DOCK11: variants seen among roughly 807,000 people sequenced by gnomAD.
DOCK11 encodes dedicator of cytokinesis 11, also known as dedicator of cytokinesis protein 11.
Under a neutral mutation model 169.1 loss-of-function variants are expected in DOCK11, and 70 were observed. The ratio of observed to expected loss-of-function variants is 0.41; its 90% confidence interval spans 0.34 to 0.51. The LOEUF (loss-of-function observed/expected upper bound fraction) is 0.51, where lower values mean the gene tolerates loss of function less well. DOCK11 is among the 20% of genes least tolerant of loss of function. The pLI, the probability that DOCK11 is intolerant of heterozygous loss-of-function variation, is 0.10. For missense variants in DOCK11, 1,166 were observed against 1,538.8 expected, an observed-to-expected ratio of 0.76 and a Z score of 4.05; for synonymous variants, 529 against 541.3, an observed-to-expected ratio of 0.98 and a Z score of 0.32.
chrX:118,639,767 G>A (rs1202611075), intron 38 of DOCK11, among the ~76,000 whole-genome samples, 190 bp downstream of exon 38: 1 of 111,521 alleles, frequency 9.0e-6, no homozygotes, highest in Non-Finnish European at 1.9e-5. Flanking sequence ...CCAATATGAT[G>A]GGAAATGATT....
chrX:118,625,346 G>A (rs1222097539), intron 32 of DOCK11, among the ~76,000 whole-genome samples: 6 of 110,050 alleles, frequency 5.5e-5, no homozygotes, highest in African/African-American at 6.6e-5. Context: ...TAGTAGAGAC[G>A]GTGTTTCACC....
chrX:118,624,689 C>G, intron 32 of DOCK11, 34 bp downstream of exon 32: 1 of 1,008,736 alleles, frequency 9.9e-7, no homozygotes, highest in Non-Finnish European at 1.4e-6. Context: ...GGAGTTTTAT[C>G]CTATTTTATT....
At chrX:118,684,109 G>A (rs796671510) in intron 52 of DOCK11, among the ~76,000 whole-genome samples, 1 of 111,185 alleles carries the variant, frequency 9.0e-6, no homozygotes, top group South Asian at 3.7e-4. Context: ...AAGTGTTAAT[G>A]TGTACTGAAA....
At chrX:118,575,544 G>A (rs985694120) in intron 12 of DOCK11, among the ~76,000 whole-genome samples, 1 of 111,810 alleles carries the variant, frequency 8.9e-6, no homozygotes, top group African/African-American at 3.2e-5. Context: ...CAAACATTGG[G>A]GAAGACTGCT....
At chrX:118,562,326 T>C (rs1031610473) in intron 7 of DOCK11, among the ~76,000 whole-genome samples, 2 of 111,418 alleles carry the variant, frequency 1.8e-5, no homozygotes, top group African/African-American at 6.5e-5. Context: ...TCTCTTTGAG[T>C]CTGGCTCTAA....
At position 118,567,201 on chromosome X, in the gene DOCK11, G is replaced by A. The variant is rs1686568439; in HGVS notation, c.951+548G>A. On this transcript the variant is annotated intron_variant, in intron 9 of 52. Coordinates refer to ENST00000276202, the MANE Select transcript of DOCK11 (RefSeq NM_144658.4). The stretch of plus-strand genomic sequence containing the variant: ...ATGATTGTCCTGAGTATCTTACCAC[G>A]ATACTGTATTCTGTAGACTCTATAT... 4.5e-5 allele frequency among the ~76,000 whole-genome samples: 5 copies of A among 111,494 alleles called. No individual in the cohort carries two copies. The Admixed American group carries it at 4.8e-4, about 11-fold the overall frequency.
rs199637441 is a variant in DOCK11, at chrX:118,578,637, A to T, written c.1502A>T (p.Asp501Val). Residue 501 changes from aspartate (D) to valine (V), a missense_variant, in exon 13 of 53, where the codon GAT (aspartate) becomes GTT (valine). By Grantham distance (152) the Asp-to-Val change is radical (BLOSUM62 -3). Transcript: ENST00000276202. ...HCAEPYIKNS[D>V]PVKTAQKVHR... ...GCAGAACCCTATATCAAAAATTCTGATCCAGTAAAGGTAATTTATAAAGGT... is the reference window on the plus strand; with the variant it reads ...GCAGAACCCTATATCAAAAATTCTGTTCCAGTAAAGGTAATTTATAAAGGT... The T allele has an allele frequency of 1.4e-5, 17 of 1,200,236 alleles. No individual in the cohort carries two copies. Among genetic ancestry groups the T allele is most frequent in the Non-Finnish European group, 1.7e-5 (15 of 889,785 alleles).
intron 5 of DOCK11, 62 bp downstream of exon 5, chrX:118,545,454 A>G: frequency 1.3e-6 from 1 of 797,072 alleles, no homozygotes; most frequent in Non-Finnish European, 1.8e-6. Context: ...CTTTGCTGAA[A>G]AAGATTTCAA....
At chrX:118,524,419 C>T (rs56288238) in intron 1 of DOCK11, among the ~76,000 whole-genome samples, 1,770 of 111,084 alleles carry the variant, frequency 0.016, 20 homozygotes, top group African/African-American at 0.053. Flanking sequence ...TTTCTCAAAT[C>T]AGAGGACACT....
At chrX:118,562,736 C>T (rs1250767677) in intron 7 of DOCK11, among the ~76,000 whole-genome samples, 1 of 111,959 alleles carries the variant, frequency 8.9e-6, no homozygotes, top group African/African-American at 3.2e-5. Context: ...CTTCTATTCC[C>T]GTTTGAACCT....
chrX:118,664,558 C>G (rs1318160964), intron 45 of DOCK11, among the ~76,000 whole-genome samples: 1 of 110,052 alleles, frequency 9.1e-6, no homozygotes, highest in Non-Finnish European at 1.9e-5. Context: ...GGCAGGAGAA[C>G]CACTTGAATT....
At chrX:118,685,647 A>G (rs1411251083) in intron 52 of DOCK11, 41 bp from the exon 53 acceptor site, 2 of 1,188,780 alleles carry the variant, frequency 1.7e-6, no homozygotes, top group East Asian at 6.0e-5. Context: ...GGCAGTGGCT[A>G]TTTTGCTTCA....
At chrX:118,574,137 C>T (rs1038458550) in intron 12 of DOCK11, 119 bp downstream of exon 12, 4 of 762,485 alleles carry the variant, frequency 5.2e-6, no homozygotes, top group South Asian at 3.3e-5. Flanking sequence ...TAAGGTCTGT[C>T]GATAGAGATT....
At chrX:118,592,037 G>A (rs1285418292) in intron 19 of DOCK11, among the ~76,000 whole-genome samples, 1 of 106,806 alleles carries the variant, frequency 9.4e-6, no homozygotes, top group Non-Finnish European at 1.9e-5. Flanking sequence ...TATCATTGTT[G>A]GACATTTGGG....
chrX:118,678,458 T>A (rs1048764451), intron 48 of DOCK11, among the ~76,000 whole-genome samples: 1 of 111,717 alleles, frequency 9.0e-6, no homozygotes, highest in Non-Finnish European at 1.9e-5. Context: ...TGTATATTTT[T>A]TTCTTTTCTT....
chrX:118,575,964 A>G (rs1245329069), intron 12 of DOCK11, among the ~76,000 whole-genome samples: 1 of 111,810 alleles, frequency 8.9e-6, no homozygotes, highest in Non-Finnish European at 1.9e-5. Flanking sequence ...ACATTATTCC[A>G]TCAGTGTCTC....
At chrX:118,630,548 C>G in intron 35 of DOCK11, 58 bp downstream of exon 35, 1 of 684,491 alleles carries the variant, frequency 1.5e-6, no homozygotes, top group South Asian at 3.2e-5. Context: ...CACAGGTTCA[C>G]AAATTCATGC....
Position 118,667,550 on chromosome X carries a change from C to T in DOCK11, c.5077-3473C>T, listed in dbSNP as rs138628438. ...TTTGTGTGGGCTATTTCTGGATTCTCGGTTCTCTTCCACTGATCTATTTGC... is the reference window on the plus strand; with the variant it reads ...TTTGTGTGGGCTATTTCTGGATTCTTGGTTCTCTTCCACTGATCTATTTGC... On this transcript the variant is annotated intron_variant, in intron 45 of 52. Coordinates refer to ENST00000276202, the MANE Select transcript of DOCK11 (RefSeq NM_144658.4). Among the ~76,000 whole-genome samples the T allele has an allele frequency of 5.6e-3, 621 of 110,082 alleles. 2 individuals are homozygous for T. The highest frequency in any genetic ancestry group is 0.02 in the African/African-American group (591 of 30,294).
At chrX:118,657,976 A>C (rs1335983529) in intron 44 of DOCK11, among the ~76,000 whole-genome samples, 2 of 109,368 alleles carry the variant, frequency 1.8e-5, no homozygotes, top group Non-Finnish European at 3.9e-5. Context: ...TTTTTTAAAA[A>C]ACCTGTAATC....
Sources: gnomAD v4.1 joint callset for allele counts (sites outside exome capture counted in the v4.1 genomes callset) on GRCh38, gnomAD v4.1.1 for gene constraint, MANE v1.5 for transcripts, NCBI Gene and HGNC (gene_info 2026-07-23, HGNC 2026-07-21) for gene names.